The following ARID1B variants were observed in gnomAD, a reference collection of about 807,000 sequenced individuals.
ARID1B encodes AT-rich interactive domain-containing protein 1B.
In ARID1B, 30 loss-of-function variants were observed where a neutral mutation model predicts 212.3. That is an observed-to-expected ratio of 0.14 (90% CI 0.11 to 0.19). ARID1B has a LOEUF of 0.19. ARID1B is among the 10% of genes least tolerant of loss of function. The probability of loss-of-function intolerance (pLI) is 1.00; values close to 1 mark genes in which losing one functional copy is unlikely to be tolerated. For synonymous variants in ARID1B, 1,402 were observed against 1,301.7 expected (o/e 1.08, Z -1.66); for missense variants, 2,891 against 3,204.0 (o/e 0.90, Z 2.36).
chr6:157,094,283 G>A lies in ARID1B; in HGVS notation c.2491+9378G>A, dbSNP rs1785469625. Among the ~76,000 whole-genome samples, 1 of 152,182 alleles carries A rather than the reference G, an allele frequency of 6.6e-6. No homozygotes were observed. Among genetic ancestry groups the A allele is most frequent in the African/African-American group, 2.4e-5 (1 of 41,436 alleles). The stretch of plus-strand genomic sequence containing the variant: ...CAGCATAGTGGTCACGGGCAATGGA[G>A]CAGAATGTGTGGGCAGTTAGGTGAG... On this transcript the variant is annotated intron_variant, in intron 5 of 19. Transcript: ENST00000636930. This position sits in a 1 kb window ranked among gnomAD's most constrained non-coding sequence, Gnocchi z 4.3.
chr6:156,826,742 T>C (rs1583112542), intron 1 of ARID1B, among the ~76,000 whole-genome samples: 1 of 152,052 alleles, frequency 6.6e-6, no homozygotes, highest in East Asian at 1.9e-4. Context: ...GTGGCCTCCT[T>C]GTCAAGTATA....
At chr6:157,064,060 C>A (rs1056546098) in intron 4 of ARID1B, among the ~76,000 whole-genome samples, 2 of 152,166 alleles carry the variant, frequency 1.3e-5, no homozygotes, top group Non-Finnish European at 2.9e-5. Flanking sequence ...CTAGGCTAGC[C>A]GGAAACCTGC....
At chr6:156,811,341 C>T (rs367900371) in intron 1 of ARID1B, among the ~76,000 whole-genome samples, 7 of 152,018 alleles carry the variant, frequency 4.6e-5, no homozygotes, top group African/African-American at 1.7e-4. Flanking sequence ...AGTGTGGATA[C>T]GAGGGGCATA....
At chr6:157,100,824 A>T (rs1333765391) in intron 5 of ARID1B, among the ~76,000 whole-genome samples, 1 of 152,358 alleles carries the variant, frequency 6.6e-6, no homozygotes, top group East Asian at 1.9e-4. Flanking sequence ...TAACAAAATT[A>T]TATTGTCATT....
At chr6:157,140,239 G>A (rs996363379) in intron 7 of ARID1B, among the ~76,000 whole-genome samples, 3 of 152,208 alleles carry the variant, frequency 2.0e-5, no homozygotes, top group African/African-American at 7.2e-5. Flanking sequence ...GGAGGCTGAG[G>A]TGGGTGGATT....
chr6:157,190,730 G>A lies in ARID1B; in HGVS notation c.4231+520G>A, dbSNP rs561129728. ...GACTCCCTGCCTTCTTACTTCCTGG[G>A]AGGAAGCAAAAAATAAGTTAAGCAC... On this transcript the variant is annotated intron_variant, in intron 15 of 19. Coordinates refer to ENST00000636930, the MANE Select transcript of ARID1B (RefSeq NM_001374828.1). This position sits in a 1 kb window ranked among gnomAD's most constrained non-coding sequence, Gnocchi z 4.6. 1.3e-5 allele frequency among the ~76,000 whole-genome samples: 2 copies of A among 152,280 alleles called. No individual in the cohort carries two copies. Among genetic ancestry groups the A allele is most frequent in the African/African-American group, 4.8e-5 (2 of 41,546 alleles).
At chr6:156,956,181 C>T (rs1177461774) in intron 4 of ARID1B, among the ~76,000 whole-genome samples, 1 of 152,080 alleles carries the variant, frequency 6.6e-6, no homozygotes, top group East Asian at 1.9e-4. Context: ...AGGTGGGAGG[C>T]AAGTGGGCCA....
intron 3 of ARID1B, among the ~76,000 whole-genome samples, chr6:156,926,133 T>G (rs1007741028): frequency 2.7e-4 from 41 of 152,174 alleles, no homozygotes; most frequent in African/African-American, 9.9e-4. Flanking sequence ...GAGGTGGGGT[T>G]AAGATAAAGT....
chr6:157,126,914 C>T (rs1406208288), intron 6 of ARID1B, among the ~76,000 whole-genome samples: 1 of 152,190 alleles, frequency 6.6e-6, no homozygotes, highest in Non-Finnish European at 1.5e-5. Context: ...GTCAGGCTTG[C>T]TATTCGCAAA....
Position 157,207,647 on chromosome 6 carries a change from T to C in ARID1B, c.6875T>C (p.Met2292Thr). ...AGCTTCCTAGAGGATGGGGTCACGA[T>C]GGCCCAGTACCAGCAGAGCCAGCAC... ...LISFLEDGVT[M>T]AQYQQSQHNL... The change falls in exon 20 of 20, where the codon ATG becomes ACG. Residue 2292 changes from methionine to threonine, a missense_variant. Physicochemically the swap from Met to Thr is moderately conservative, Grantham distance 81 (BLOSUM62 -1). Coordinates refer to ENST00000636930, the MANE Select transcript of ARID1B (RefSeq NM_001374828.1). The surrounding 1 kb of genome is among the most constrained non-coding windows in gnomAD (Gnocchi z 8.5). The C allele has an allele frequency of 6.2e-7, 1 of 1,614,132 alleles. No individual in the cohort carries two copies. Among genetic ancestry groups the C allele is most frequent in the Non-Finnish European group, 8.5e-7 (1 of 1,180,002 alleles).
intron 1 of ARID1B, among the ~76,000 whole-genome samples, chr6:156,814,405 A>C (rs1278308385): frequency 6.6e-6 from 1 of 152,164 alleles, no homozygotes; most frequent in Non-Finnish European, 1.5e-5. Flanking sequence ...CCTGTCTCAA[A>C]AACAAAAGCA....
At chr6:156,851,365 A>G (rs1413742642) in intron 2 of ARID1B, among the ~76,000 whole-genome samples, 3 of 152,210 alleles carry the variant, frequency 2.0e-5, no homozygotes, top group African/African-American at 7.2e-5. Flanking sequence ...TGACACTCCA[A>G]TGTTTAATTG....
intron 16 of ARID1B, chr6:157,198,491 G>A (rs1793886538): frequency 3.2e-6 from 1 of 310,530 alleles, no homozygotes; most frequent in Non-Finnish European, 6.1e-6. Context: ...TGGACAGGCG[G>A]GGCTGCGGCC....
At chr6:157,098,366 C>T (rs961067571) in intron 5 of ARID1B, among the ~76,000 whole-genome samples, 9 of 152,026 alleles carry the variant, frequency 5.9e-5, no homozygotes, top group African/African-American at 2.2e-4. Context: ...GGGGGAAGGC[C>T]GGGCTAGCGA....
At chr6:156,967,446 A>G (rs1001736102) in intron 4 of ARID1B, among the ~76,000 whole-genome samples, 7 of 152,218 alleles carry the variant, frequency 4.6e-5, no homozygotes, top group African/African-American at 1.7e-4. Context: ...TAATTTGGAA[A>G]TGGGTTTTTT....
intron 4 of ARID1B, chr6:156,942,787 C>T (rs1792776869): frequency 6.6e-6 from 1 of 152,458 alleles, no homozygotes; most frequent in African/African-American, 2.4e-5. Context: ...GGATCTGCTG[C>T]CTCCAGCTCC....
In ARID1B at chr6:156,852,762, A is replaced by G. The variant is rs946360504; in HGVS notation, c.1986+23341A>G. Among the ~76,000 whole-genome samples, 7 of 152,272 alleles carry G rather than the reference A, an allele frequency of 4.6e-5. No homozygotes were observed. The East Asian group carries it at 1.4e-3, about 29-fold the overall frequency. ...GCCTGTGAACTCTATGCTATTTTAGACCTTTCAGATATTAGCGACCCCAGC... is the reference window on the plus strand; with the variant it reads ...GCCTGTGAACTCTATGCTATTTTAGGCCTTTCAGATATTAGCGACCCCAGC... On this transcript the variant is annotated intron_variant, in intron 2 of 19. Coordinates refer to ENST00000636930, the MANE Select transcript of ARID1B (RefSeq NM_001374828.1).
rs1006907273 is a variant in ARID1B, at chr6:157,148,588, A to G, written c.2762-36A>G. On this transcript the variant is annotated intron_variant, in intron 7 of 19. Coordinates refer to ENST00000636930, the MANE Select transcript of ARID1B (RefSeq NM_001374828.1). The surrounding 1 kb of genome is among the most constrained non-coding windows in gnomAD (Gnocchi z 5.6). ...CCAGTGAATGTTGTCACAAGTTTAAATAAAAGGCTTTACTTTGTGTTTGCT... is the reference window on the plus strand; with the variant it reads ...CCAGTGAATGTTGTCACAAGTTTAAGTAAAAGGCTTTACTTTGTGTTTGCT... The G allele has an allele frequency of 1.3e-6, 2 of 1,562,424 alleles. No individual in the cohort carries two copies. Among genetic ancestry groups the G allele is most frequent in the Non-Finnish European group, 1.7e-6 (2 of 1,147,714 alleles).
chr6:157,097,797 T>C (rs1785757271), intron 5 of ARID1B, among the ~76,000 whole-genome samples: 1 of 152,192 alleles, frequency 6.6e-6, no homozygotes, highest in African/African-American at 2.4e-5. Context: ...GGCAACCCTG[T>C]TCACAGCTTT....
Sources: allele counts gnomAD v4.1 joint callset (sites outside exome capture counted in the v4.1 genomes callset), GRCh38; gene constraint gnomAD v4.1.1; non-coding constraint Gnocchi (gnomAD v3.1); transcripts MANE v1.5; gene names NCBI Gene and HGNC (gene_info 2026-07-23, HGNC 2026-07-21).